Variants in TNFSF4 observed in about 807,000 individuals in gnomAD.
The protein encoded by TNFSF4 is TNF superfamily member 4, also known as tumor necrosis factor ligand superfamily member 4.
In TNFSF4, 4 loss-of-function variants were observed where a neutral mutation model predicts 7.3. That is an observed-to-expected ratio of 0.55 (90% CI 0.27 to 1.25). TNFSF4 has a LOEUF of 1.25. Ranked by LOEUF, TNFSF4 falls within the 50% of genes most tolerant of loss-of-function variation. TNFSF4 has a pLI of 0.12. For missense variants in TNFSF4, 181 were observed against 208.8 expected (o/e 0.87, Z 0.82); for synonymous variants, 76 against 83.7 (o/e 0.91, Z 0.50).
At chr1:173,305,054 C>T in the TNFSF4 span, among the ~76,000 whole-genome samples, 12 of 151,930 alleles carry the variant, frequency 7.9e-5, no homozygotes, top group East Asian at 1.6e-3. Context: ...TTCACAAAAA[C>T]GAACAGGAAT....
the TNFSF4 span, among the ~76,000 whole-genome samples, chr1:173,262,598 C>CTTTTTTT: frequency 1.3e-4 from 14 of 105,040 alleles, no homozygotes; most frequent in Non-Finnish European, 1.9e-4. Context: ...CCAAAAGATT[C>CTTTTTTT]TTTTTTTTTT....
At chr1:173,205,952 C>A (rs1650168277) in intron 1 of TNFSF4, among the ~76,000 whole-genome samples, 1 of 152,150 alleles carries the variant, frequency 6.6e-6, no homozygotes, top group Admixed American at 6.5e-5. Context: ...GTGATCATAA[C>A]CACACACACT....
the TNFSF4 span, among the ~76,000 whole-genome samples, chr1:173,386,111 C>T: frequency 5.3e-5 from 8 of 152,152 alleles, no homozygotes; most frequent in Admixed American, 4.6e-4. Flanking sequence ...CCATGGGCCT[C>T]GAGGACCGTG....
At chr1:173,406,391 C>A in the TNFSF4 span, among the ~76,000 whole-genome samples, 2 of 152,054 alleles carry the variant, frequency 1.3e-5, no homozygotes, top group African/African-American at 2.4e-5. Flanking sequence ...TTACTTATTT[C>A]ACAAAAATTA....
At chr1:173,179,604 T>C (rs1296492970), downstream of TNFSF4, among the ~76,000 whole-genome samples, 1 of 152,218 alleles carries the variant, frequency 6.6e-6, no homozygotes, top group Non-Finnish European at 1.5e-5. Flanking sequence ...ATCAAAAACA[T>C]GTTAGCTCTC....
the TNFSF4 span, among the ~76,000 whole-genome samples, chr1:173,416,347 A>T: frequency 6.6e-6 from 1 of 152,186 alleles, no homozygotes; most frequent in Admixed American, 6.5e-5. Context: ...GCTTAAAGCA[A>T]GTCCCCTGCC....
the TNFSF4 span, among the ~76,000 whole-genome samples, chr1:173,415,572 G>A: frequency 2.0e-5 from 3 of 152,184 alleles, no homozygotes; most frequent in Non-Finnish European, 4.4e-5. Flanking sequence ...CAAGTCCAAG[G>A]GGCAGCACTT....
At chr1:173,421,515 G>A in the TNFSF4 span, among the ~76,000 whole-genome samples, 10 of 152,136 alleles carry the variant, frequency 6.6e-5, no homozygotes, top group East Asian at 1.7e-3. Flanking sequence ...GCCAGCTGCT[G>A]GTAAAATAAT....
the TNFSF4 span, among the ~76,000 whole-genome samples, chr1:173,443,359 TTAAA>T: frequency 1.3e-5 from 2 of 152,152 alleles, no homozygotes; most frequent in South Asian, 2.1e-4. Flanking sequence ...TAGATAATGG[TTAAA>T]TAAATTTTGA....
At chr1:173,417,195 C>A in the TNFSF4 span, among the ~76,000 whole-genome samples, 5 of 152,220 alleles carry the variant, frequency 3.3e-5, no homozygotes, top group African/African-American at 9.6e-5. Context: ...GAGTCAGAGA[C>A]ACCTCGGTTT....
At chr1:173,217,069 G>A in the TNFSF4 span, among the ~76,000 whole-genome samples, 2 of 152,032 alleles carry the variant, frequency 1.3e-5, no homozygotes. Context: ...ACCACCTCCC[G>A]TCTGCTCCGG....
chr1:173,432,727 G>GA, the TNFSF4 span, among the ~76,000 whole-genome samples: 375 of 141,030 alleles, frequency 2.7e-3, no homozygotes, highest in South Asian at 5.4e-3. Context: ...GAACTCTCCT[G>GA]AAAAAAAAAA....
the TNFSF4 span, among the ~76,000 whole-genome samples, chr1:173,407,501 A>G: frequency 1.3e-5 from 2 of 149,330 alleles, no homozygotes; most frequent in Non-Finnish European, 3.0e-5. Flanking sequence ...TGGAGGTTGC[A>G]ATGAGCTGAG....
chr1:173,194,883 A>C (rs77017027), intron 1 of TNFSF4, among the ~76,000 whole-genome samples: 1 of 149,816 alleles, frequency 6.7e-6, no homozygotes, highest in Non-Finnish European at 1.5e-5. Context: ...CTTGTCTCAA[A>C]AAAAAAAAAA....
the TNFSF4 span, among the ~76,000 whole-genome samples, chr1:173,244,044 C>G: frequency 2.0e-5 from 3 of 152,164 alleles, no homozygotes; most frequent in Non-Finnish European, 1.5e-5. Context: ...GTTTTCTTCT[C>G]CTGATCTTGT....
the TNFSF4 span, among the ~76,000 whole-genome samples, chr1:173,331,079 T>C: frequency 6.6e-6 from 1 of 152,016 alleles, no homozygotes; most frequent in African/African-American, 2.4e-5. Flanking sequence ...GAGACGGGGT[T>C]TCACCATGTT....
At chr1:173,356,171 G>C in the TNFSF4 span, among the ~76,000 whole-genome samples, 4 of 152,216 alleles carry the variant, frequency 2.6e-5, no homozygotes, top group Admixed American at 2.0e-4. Flanking sequence ...GGATGCTCTG[G>C]CTTTTCAGGG....
the TNFSF4 span, among the ~76,000 whole-genome samples, chr1:173,291,636 A>C: frequency 6.6e-6 from 1 of 152,184 alleles, no homozygotes; most frequent in Non-Finnish European, 1.5e-5. Flanking sequence ...TAAGAAAAGA[A>C]GTAGCCAAAA....
chr1:173,430,041 C>G, the TNFSF4 span, among the ~76,000 whole-genome samples: 1 of 152,106 alleles, frequency 6.6e-6, no homozygotes, highest in African/African-American at 2.4e-5. Flanking sequence ...TGTAGGGCCT[C>G]GCCCACAGCT....
Sources: gnomAD v4.1 joint callset for allele counts (sites outside exome capture counted in the v4.1 genomes callset) on GRCh38, gnomAD v4.1.1 for gene constraint, MANE v1.5 for transcripts, NCBI Gene and HGNC (gene_info 2026-07-23, HGNC 2026-07-21) for gene names.